Variants in NPAS3 observed in about 807,000 individuals in gnomAD.
The protein encoded by NPAS3 is neuronal PAS domain-containing protein 3.
Under a neutral mutation model 73.1 loss-of-function variants are expected in NPAS3, and 14 were observed. That is an observed-to-expected ratio of 0.19 (90% CI 0.13 to 0.30). The LOEUF (loss-of-function observed/expected upper bound fraction) is 0.30, where lower values mean the gene tolerates loss of function less well. Among genes scored for constraint, NPAS3 ranks in the 10% least tolerant of loss-of-function variants. NPAS3 has a pLI of 1.00. For synonymous variants in NPAS3, 620 were observed against 541.5 expected (o/e 1.14, Z -2.01); for missense variants, 1,096 against 1,250.0 (o/e 0.88, Z 1.86).
intron 4 of NPAS3, among the ~76,000 whole-genome samples, chr14:33,449,165 A>G (rs2049668066): frequency 6.6e-6 from 1 of 152,136 alleles, no homozygotes; most frequent in Non-Finnish European, 1.5e-5. Flanking sequence ...GACAGAGTGC[A>G]CATTCACCCG....
At chr14:33,033,027 AG>A (rs2040046400) in intron 1 of NPAS3, among the ~76,000 whole-genome samples, 1 of 152,230 alleles carries the variant, frequency 6.6e-6, no homozygotes, top group African/African-American at 2.4e-5. Context: ...TAGATATCCA[AG>A]GCAGACTGTC....
intron 4 of NPAS3, among the ~76,000 whole-genome samples, chr14:33,426,577 A>G (rs2048563480): frequency 6.6e-6 from 1 of 151,982 alleles, no homozygotes; most frequent in African/African-American, 2.4e-5. Flanking sequence ...GTGTAACAGA[A>G]TATCATGAGC....
Position 33,108,435 on chromosome 14 carries a change from G to A in NPAS3, c.140+52441G>A, listed in dbSNP as rs375903518. On this transcript the variant is annotated intron_variant, in intron 2 of 11. Coordinates refer to ENST00000356141, the Ensembl canonical transcript of NPAS3. ...TTCTGAACTCTTCACCTCATGATCC[G>A]TCTACCTCGGCCTCCCAAAGTGCTG... 9.2e-4 allele frequency among the ~76,000 whole-genome samples: 140 copies of A among 151,970 alleles called. 1 individual carries two copies. The highest frequency in any genetic ancestry group is 7.5e-3 in the Admixed American group (114 of 15,254).
chr14:33,730,311 C>G (rs1462090303), intron 6 of NPAS3, among the ~76,000 whole-genome samples: 2 of 152,046 alleles, frequency 1.3e-5, no homozygotes, highest in Non-Finnish European at 2.9e-5. Flanking sequence ...TTGCTCTGCC[C>G]CTAGCTGGGA....
intron 4 of NPAS3, among the ~76,000 whole-genome samples, chr14:33,546,877 G>A (rs149202837): frequency 1.0e-3 from 153 of 152,290 alleles, no homozygotes; most frequent in Non-Finnish European, 1.8e-3. Context: ...CTATGTCTAC[G>A]TCTAGTACAT....
intron 1 of NPAS3, among the ~76,000 whole-genome samples, chr14:33,041,013 G>T (rs143803886): frequency 1.9e-3 from 292 of 152,234 alleles, no homozygotes; most frequent in African/African-American, 6.8e-3. Flanking sequence ...ACTGTACTAC[G>T]TGGCAGAACT....
chr14:32,976,888 A>G (rs112312680), intron 1 of NPAS3, among the ~76,000 whole-genome samples: 495 of 152,310 alleles, frequency 3.2e-3, no homozygotes, highest in African/African-American at 0.012. Flanking sequence ...CTGTGAATAG[A>G]CTTACCTTCT....
chr14:33,443,193 T>C (rs1322271632), intron 4 of NPAS3, among the ~76,000 whole-genome samples: 1 of 152,102 alleles, frequency 6.6e-6, no homozygotes, highest in South Asian at 2.1e-4. Context: ...TTTTCCTCAA[T>C]TTCAAGTCTA....
intron 10 of NPAS3, among the ~76,000 whole-genome samples, chr14:33,796,335 A>G (rs2182440): frequency 0.84 from 128,067 of 152,152 alleles, 54,108 homozygotes; most frequent in African/African-American, 0.92. Context: ...ATTCAGAGAC[A>G]GAGTCCACCT....
intron 4 of NPAS3, among the ~76,000 whole-genome samples, chr14:33,518,231 G>T (rs1237558857): frequency 6.6e-6 from 1 of 151,824 alleles, no homozygotes; most frequent in Non-Finnish European, 1.5e-5. Context: ...TTTGAGATGG[G>T]TTGCTCATAA....
At chr14:33,708,047 T>C (rs1329718788) in intron 6 of NPAS3, among the ~76,000 whole-genome samples, 2 of 151,948 alleles carry the variant, frequency 1.3e-5, no homozygotes, top group East Asian at 3.9e-4. Flanking sequence ...TGGCAAGTCA[T>C]CGAGCAGCCA....
At chr14:33,293,938 A>G (rs11851712) in intron 3 of NPAS3, among the ~76,000 whole-genome samples, 27,013 of 152,156 alleles carry the variant, frequency 0.18, 2,673 homozygotes, top group African/African-American at 0.25. Flanking sequence ...TAATGCAGCA[A>G]GACAACATTT....
chr14:33,523,954 C>T (rs1447339806), intron 4 of NPAS3, among the ~76,000 whole-genome samples: 3 of 152,132 alleles, frequency 2.0e-5, no homozygotes, highest in Non-Finnish European at 4.4e-5. Context: ...TGTCAGGTAA[C>T]GGATGCTATT....
At chr14:33,459,827 A>G (rs775241249) in intron 4 of NPAS3, among the ~76,000 whole-genome samples, 13 of 151,944 alleles carry the variant, frequency 8.6e-5, no homozygotes, top group Non-Finnish European at 1.9e-4. Context: ...GTGCCCAAGA[A>G]CCCTCTTTCC....
intron 3 of NPAS3, among the ~76,000 whole-genome samples, chr14:33,322,015 A>T (rs2043469149): frequency 6.6e-6 from 1 of 152,124 alleles, no homozygotes. Flanking sequence ...GTGAGAAGGG[A>T]AGGGGCCTGT....
chr14:33,266,630 A>G (rs571131615), intron 3 of NPAS3, among the ~76,000 whole-genome samples: 2 of 152,290 alleles, frequency 1.3e-5, no homozygotes, highest in Admixed American at 1.3e-4. Context: ...TTTACAGATG[A>G]GATAAGAAAA....
chr14:33,615,510 G>A (rs1449391606), intron 5 of NPAS3, among the ~76,000 whole-genome samples: 1 of 152,082 alleles, frequency 6.6e-6, no homozygotes, highest in Non-Finnish European at 1.5e-5. Flanking sequence ...AAGAGAACTA[G>A]AAGGTCACTT....
At chr14:33,219,192 T>G (rs2047333860) in intron 3 of NPAS3, among the ~76,000 whole-genome samples, 1 of 152,204 alleles carries the variant, frequency 6.6e-6, no homozygotes, top group Non-Finnish European at 1.5e-5. Context: ...ACTTCTCCAT[T>G]CATAGTAATC....
At chr14:33,718,449 T>C (rs2061016282) in intron 6 of NPAS3, among the ~76,000 whole-genome samples, 1 of 152,168 alleles carries the variant, frequency 6.6e-6, no homozygotes, top group Non-Finnish European at 1.5e-5. Context: ...TTTCTTACTA[T>C]CTTATAGTCA....
Sources: allele counts gnomAD v4.1 joint callset (sites outside exome capture counted in the v4.1 genomes callset), GRCh38; gene constraint gnomAD v4.1.1; transcripts MANE v1.5; gene names NCBI Gene and HGNC (gene_info 2026-07-23, HGNC 2026-07-21).